Variants in CAST observed in about 807,000 individuals in gnomAD.
CAST encodes MIR583 host.
A neutral mutation model predicts 119.6 loss-of-function variants in CAST; 76 were observed. That is an observed-to-expected ratio of 0.64 (90% CI 0.53 to 0.77). CAST has a LOEUF of 0.77. CAST is among the 30% of genes least tolerant of loss of function. The pLI, the probability that CAST is intolerant of heterozygous loss-of-function variation, is 0.00. For synonymous variants in CAST, 319 were observed against 331.6 expected, an observed-to-expected ratio of 0.96 and a Z score of 0.41; for missense variants, 953 against 946.5, an observed-to-expected ratio of 1.01 and a Z score of -0.09.
At chr5:96,692,094 CT>C (rs1752791073) in intron 2 of CAST, among the ~76,000 whole-genome samples, 2 of 152,244 alleles carry the variant, frequency 1.3e-5, no homozygotes, top group East Asian at 3.9e-4. Context: ...TAAAAATGAG[CT>C]TGTTTTGAGA....
chr5:96,575,729 C>T (rs1746659257), intron 1 of CAST, among the ~76,000 whole-genome samples: 2 of 151,646 alleles, frequency 1.3e-5, no homozygotes, highest in African/African-American at 4.8e-5. Flanking sequence ...TTTAGCCTCA[C>T]TCTTCTGGGC....
At chr5:95,963,784 T>G in the CAST span, among the ~76,000 whole-genome samples, 4 of 149,990 alleles carry the variant, frequency 2.7e-5, no homozygotes, top group African/African-American at 9.9e-5. Context: ...GCCTTAATTA[T>G]TTGGGAGGTG....
chr5:96,381,987 T>G, the CAST span, among the ~76,000 whole-genome samples: 1 of 152,224 alleles, frequency 6.6e-6, no homozygotes, highest in Admixed American at 6.5e-5. Flanking sequence ...TAAATAAATC[T>G]ATACAGCCTG....
chr5:96,301,162 A>G, the CAST span, among the ~76,000 whole-genome samples: 1 of 152,158 alleles, frequency 6.6e-6, no homozygotes, highest in African/African-American at 2.4e-5. Flanking sequence ...CACATCCTAC[A>G]TGTCTGGAAC....
chr5:96,200,961 A>G, the CAST span, among the ~76,000 whole-genome samples: 1 of 152,128 alleles, frequency 6.6e-6, no homozygotes, highest in African/African-American at 2.4e-5. Flanking sequence ...GGAGTTAAAC[A>G]CAGATTCACA....
the CAST span, among the ~76,000 whole-genome samples, chr5:96,216,391 T>C: frequency 6.6e-6 from 1 of 152,192 alleles, no homozygotes; most frequent in Non-Finnish European, 1.5e-5. Flanking sequence ...TTTTTAAAAA[T>C]GTGGATATTC....
intron 3 of CAST, among the ~76,000 whole-genome samples, chr5:96,707,418 G>A (rs544995896): frequency 2.0e-4 from 30 of 150,714 alleles, no homozygotes; most frequent in South Asian, 8.4e-4. Context: ...ACAGAGTCTC[G>A]CTCTGTTTCC....
the CAST span, among the ~76,000 whole-genome samples, chr5:96,216,223 T>C: frequency 3.3e-5 from 5 of 152,166 alleles, no homozygotes; most frequent in Non-Finnish European, 7.4e-5. Flanking sequence ...AAGCTTCTGG[T>C]CAATAGTAGG....
At chr5:96,330,738 C>A in the CAST span, among the ~76,000 whole-genome samples, 6 of 152,136 alleles carry the variant, frequency 3.9e-5, no homozygotes, top group Non-Finnish European at 8.8e-5. Flanking sequence ...AGTTTGTGAA[C>A]ATCCAAGAAT....
the CAST span, among the ~76,000 whole-genome samples, chr5:96,402,461 A>T: frequency 1.3e-5 from 2 of 152,224 alleles, no homozygotes; most frequent in East Asian, 3.9e-4. Flanking sequence ...GAGGGGAAAC[A>T]TCTAGACACT....
chr5:96,234,514 G>C, the CAST span, among the ~76,000 whole-genome samples: 1 of 152,184 alleles, frequency 6.6e-6, no homozygotes. Flanking sequence ...AAGAAGTCAG[G>C]AGATGGACAG....
At chr5:96,363,421 T>C in the CAST span, among the ~76,000 whole-genome samples, 4 of 152,002 alleles carry the variant, frequency 2.6e-5, no homozygotes, top group African/African-American at 9.7e-5. Context: ...TAAATTACCT[T>C]GGGCAGTATG....
the CAST span, among the ~76,000 whole-genome samples, chr5:96,449,130 T>C: frequency 2.6e-5 from 4 of 152,102 alleles, no homozygotes; most frequent in African/African-American, 9.7e-5. Flanking sequence ...TTAGGCATTA[T>C]GTAGTCTAAA....
chr5:96,573,333 T>C (rs939032898), intron 1 of CAST, among the ~76,000 whole-genome samples: 3 of 152,150 alleles, frequency 2.0e-5, no homozygotes, highest in Non-Finnish European at 4.4e-5. Flanking sequence ...ATAATTTACA[T>C]TAAACGACAT....
chr5:96,283,953 A>G, the CAST span, among the ~76,000 whole-genome samples: 5 of 152,086 alleles, frequency 3.3e-5, no homozygotes, highest in South Asian at 2.1e-4. Context: ...TCTCTTCACC[A>G]TGGGTTGGAA....
At chr5:96,735,801 CAG>C (rs1581188409) in intron 9 of CAST, among the ~76,000 whole-genome samples, 1 of 152,144 alleles carries the variant, frequency 6.6e-6, no homozygotes, top group African/African-American at 2.4e-5. Context: ...GGCAAAGAGC[CAG>C]AGAGCAAAGC....
chr5:96,525,826 C>A (rs1302415465), upstream of CAST, among the ~76,000 whole-genome samples: 1 of 152,210 alleles, frequency 6.6e-6, no homozygotes, highest in Admixed American at 6.5e-5. Flanking sequence ...AATTGGCGTG[C>A]TGAGGTTGTC....
chr5:96,770,648 C>T (rs1771966778), intron 30 of CAST, 46 bp downstream of exon 30: 1 of 1,243,992 alleles, frequency 8.0e-7, no homozygotes, highest in South Asian at 1.2e-5. Flanking sequence ...AGCAGTTACA[C>T]AGAGTAGGGT....
At chr5:96,301,573 AT>A in the CAST span, among the ~76,000 whole-genome samples, 4 of 152,196 alleles carry the variant, frequency 2.6e-5, no homozygotes, top group Non-Finnish European at 5.9e-5. Flanking sequence ...CCAAGATACA[AT>A]GGGGGTACAG....
Sources: gnomAD v4.1 joint callset for allele counts (sites outside exome capture counted in the v4.1 genomes callset) on GRCh38, gnomAD v4.1.1 for gene constraint, MANE v1.5 for transcripts, NCBI Gene and HGNC (gene_info 2026-07-23, HGNC 2026-07-21) for gene names.